MIR2052HG: variants seen among roughly 807,000 people sequenced by gnomAD.
MIR2052HG encodes MIR2052 host gene.
At chr8:74,740,386 C>T (rs557236476) in intron 4 of MIR2052HG, among the ~76,000 whole-genome samples, 1 of 152,178 alleles carries the variant, frequency 6.6e-6, no homozygotes, top group Admixed American at 6.6e-5. Context: ...ATTGCTTGAA[C>T]CCAGGAGGTG....
intron 2 of MIR2052HG, among the ~76,000 whole-genome samples, chr8:74,622,262 G>A (rs77680870): frequency 0.067 from 10,216 of 152,102 alleles, 434 homozygotes; most frequent in African/African-American, 0.1. Context: ...AGACATTTTC[G>A]AAAAGGTAAA....
chr8:74,642,833 A>G (rs1808653857), intron 2 of MIR2052HG, among the ~76,000 whole-genome samples: 2 of 152,182 alleles, frequency 1.3e-5, no homozygotes, highest in African/African-American at 4.8e-5. Flanking sequence ...CCCATCATCT[A>G]CTTGGGTTTC....
intron 1 of MIR2052HG, chr8:74,612,768 T>A (rs959760115): frequency 7.9e-5 from 31 of 394,354 alleles, no homozygotes; most frequent in Middle Eastern, 4.2e-4. Flanking sequence ...ATTTTAGTTA[T>A]TTTTCTTTCT....
chr8:74,654,023 A>G (rs1467978258), intron 2 of MIR2052HG, among the ~76,000 whole-genome samples: 1 of 152,196 alleles, frequency 6.6e-6, no homozygotes. Context: ...ACATATGCAA[A>G]TAGAGGCACC....
At chr8:74,709,197 G>GA (rs1379616805) in intron 4 of MIR2052HG, among the ~76,000 whole-genome samples, 4 of 152,124 alleles carry the variant, frequency 2.6e-5, no homozygotes, top group Non-Finnish European at 5.9e-5. Context: ...ACTGGGACTT[G>GA]AGAAGTGAAC....
At position 74,608,233 on chromosome 8, in the gene MIR2052HG, C is replaced by T. The variant is rs1392294940; in HGVS notation, n.129-4620C>T. Among the ~76,000 whole-genome samples the T allele has an allele frequency of 4.5e-3, 679 of 151,798 alleles. 3 individuals carry two copies. The highest frequency in any genetic ancestry group is 0.016 in the African/African-American group (657 of 41,308). On this transcript the variant is annotated intron_variant and non_coding_transcript_variant, in intron 1 of 6. Transcript: ENST00000523442. The stretch of plus-strand genomic sequence containing the variant: ...TAAGCACATAATTAGATGAACTTGC[C>T]CTATAGGGAGTGTCTGGGGAAGAAG...
chr8:74,686,106 TTTTC>T (rs1268593483), intron 2 of MIR2052HG, among the ~76,000 whole-genome samples: 1 of 148,064 alleles, frequency 6.8e-6, no homozygotes, highest in Non-Finnish European at 1.5e-5. Context: ...GATTTTTTTT[TTTTC>T]TTCAAAAAAA....
rs1172193893 is a variant in MIR2052HG, at chr8:74,600,429, C to T, written n.128+521C>T. 4.6e-5 allele frequency among the ~76,000 whole-genome samples: 7 copies of T among 151,260 alleles called. No homozygotes were observed. The East Asian group carries it at 1.4e-3, about 30-fold the overall frequency. On this transcript the variant is annotated intron_variant and non_coding_transcript_variant, in intron 1 of 6. Coordinates refer to ENST00000523442, the Ensembl canonical transcript of MIR2052HG. ...AGAAACCCCGTTTCCACTAAAAATA[C>T]AAAATTAGCCGGGCGTGGTTGCACA...
At chr8:74,602,778 G>A (rs997727193) in intron 1 of MIR2052HG, among the ~76,000 whole-genome samples, 2 of 136,416 alleles carry the variant, frequency 1.5e-5, no homozygotes, top group African/African-American at 5.5e-5. Flanking sequence ...GCCTCCCAAA[G>A]TGCTGGGATT....
intron 2 of MIR2052HG, among the ~76,000 whole-genome samples, chr8:74,679,391 A>G (rs964738847): frequency 6.6e-6 from 1 of 152,114 alleles, no homozygotes; most frequent in Non-Finnish European, 1.5e-5. Flanking sequence ...AATGGTCTCC[A>G]ACTCCATCCA....
chr8:74,674,981 G>A (rs954995244), intron 2 of MIR2052HG, among the ~76,000 whole-genome samples: 3 of 151,792 alleles, frequency 2.0e-5, no homozygotes, highest in Non-Finnish European at 4.4e-5. Flanking sequence ...TGATTAACAG[G>A]TTCTAATTGC....
intron 4 of MIR2052HG, among the ~76,000 whole-genome samples, chr8:74,739,524 T>C (rs1809804713): frequency 6.6e-6 from 1 of 152,148 alleles, no homozygotes; most frequent in South Asian, 2.1e-4. Context: ...TGCACTGAGA[T>C]GGCAGGTTCA....
chr8:74,631,275 T>C (rs75806126), intron 2 of MIR2052HG, among the ~76,000 whole-genome samples: 2 of 152,192 alleles, frequency 1.3e-5, no homozygotes, highest in Non-Finnish European at 2.9e-5. Flanking sequence ...AAATTAAATA[T>C]ACATCTGCAT....
chr8:74,721,985 G>C (rs1270359322), intron 4 of MIR2052HG, among the ~76,000 whole-genome samples: 1 of 152,160 alleles, frequency 6.6e-6, no homozygotes, highest in African/African-American at 2.4e-5. Flanking sequence ...TTGAGCCCAG[G>C]AGTTCAAGAA....
At chr8:74,665,480 A>T (rs1476560278) in intron 2 of MIR2052HG, among the ~76,000 whole-genome samples, 2 of 151,762 alleles carry the variant, frequency 1.3e-5, no homozygotes, top group African/African-American at 4.8e-5. Context: ...GTCACCAATG[A>T]CCTCCCCAAA....
At chr8:74,712,457 T>C (rs1314519331) in intron 4 of MIR2052HG, among the ~76,000 whole-genome samples, 1 of 152,208 alleles carries the variant, frequency 6.6e-6, no homozygotes, top group Non-Finnish European at 1.5e-5. Flanking sequence ...ATTTGGAATA[T>C]CTTATATTTA....
chr8:74,726,371 C>T (rs998945045), intron 4 of MIR2052HG, among the ~76,000 whole-genome samples: 2 of 152,094 alleles, frequency 1.3e-5, no homozygotes, highest in South Asian at 2.1e-4. Context: ...ATTTTATTTT[C>T]ATTATTTTGA....
rs577483097 is a variant in MIR2052HG at position 74,664,141 on chromosome 8, G to T, written n.217-38238G>T. 3.4e-5 allele frequency among the ~76,000 whole-genome samples: 5 copies of T among 146,744 alleles called. No individual in the cohort carries two copies. The South Asian group carries it at 1.1e-3, about 33-fold the overall frequency. On this transcript the variant is annotated intron_variant and non_coding_transcript_variant, in intron 2 of 6. Coordinates refer to ENST00000523442, the Ensembl canonical transcript of MIR2052HG. Reference sequence around the variant, plus strand: ...CTCAGAAGGGAGAGAGTGGGAAGGCGGTGTGTGATAAAAAAAAAAACTATG... The same window carrying T: ...CTCAGAAGGGAGAGAGTGGGAAGGCTGTGTGTGATAAAAAAAAAAACTATG...
rs556508650 is a variant in MIR2052HG at position 74,671,654 on chromosome 8, G to A, written n.217-30725G>A. Among the ~76,000 whole-genome samples the A allele has an allele frequency of 2.6e-5, 4 of 152,254 alleles. No homozygotes were observed. The South Asian group carries it at 8.3e-4, about 32-fold the overall frequency. On this transcript the variant is annotated intron_variant and non_coding_transcript_variant, in intron 2 of 6. Coordinates refer to ENST00000523442, the Ensembl canonical transcript of MIR2052HG. Reference sequence around the variant, plus strand: ...TGAAGAGGAATTTACTGGTAACAATGTGTGGACTGAAAATGAGAGAGCTAT... The same window carrying A: ...TGAAGAGGAATTTACTGGTAACAATATGTGGACTGAAAATGAGAGAGCTAT...
Sources: gnomAD v4.1 joint callset for allele counts (sites outside exome capture counted in the v4.1 genomes callset) on GRCh38, gnomAD v4.1.1 for gene constraint, MANE v1.5 for transcripts, NCBI Gene and HGNC (gene_info 2026-07-23, HGNC 2026-07-21) for gene names.